LAMC3: variants seen among roughly 807,000 people sequenced by gnomAD.
LAMC3 encodes the protein laminin subunit gamma 3, also known as laminin subunit gamma-3.
In LAMC3, 128 loss-of-function variants were observed where a neutral mutation model predicts 173.8. The ratio of observed to expected loss-of-function variants is 0.74; its 90% confidence interval spans 0.64 to 0.85. The LOEUF is 0.85. Among genes scored for constraint, LAMC3 ranks in the 40% least tolerant of loss-of-function variants. The pLI is 0.00. For synonymous variants in LAMC3, 897 were observed against 909.1 expected (o/e 0.99, Z 0.24); for missense variants, 2,022 against 2,156.0 (o/e 0.94, Z 1.23).
Position 131,091,639 on chromosome 9 carries a change from G to C in LAMC3, c.4580G>C (p.Arg1527Thr). 2.5e-6 allele frequency: 4 copies of C among 1,603,362 alleles called. No individual in the cohort carries two copies. Among genetic ancestry groups the C allele is most frequent in the Non-Finnish European group, 3.4e-6 (4 of 1,175,426 alleles). ...LQLGSPGSLQRKLSLLEQESQ... is the reference protein window; with the variant it reads ...LQLGSPGSLQTKLSLLEQESQ... ...CTGGGCTCCCCGGGGTCCTTGCAGA[G>C]GAAACTCAGTCTGCTGGAGCAGGAA... The change falls in exon 28 of 28, where the codon AGG (arginine) becomes ACG (threonine). Residue 1527 changes from arginine (R) to threonine (T), a missense_variant. Coordinates refer to ENST00000361069, the MANE Select transcript of LAMC3 (RefSeq NM_006059.4).
At chr9:131,054,538 G>A (rs891365322) in intron 11 of LAMC3, among the ~76,000 whole-genome samples, 1 of 152,146 alleles carries the variant, frequency 6.6e-6, no homozygotes, top group African/African-American at 2.4e-5. Context: ...CGGATCACTT[G>A]AGCTCAGGAG....
chr9:131,066,959 G>A lies in LAMC3; in HGVS notation c.2348-1G>A. 1 of 1,613,752 alleles carries A rather than the reference G, an allele frequency of 6.2e-7. No homozygotes were observed. The highest frequency in any genetic ancestry group is 8.5e-7 in the Non-Finnish European group (1 of 1,180,032). ...CCCACACGTGCTCCCTCTACACACA[G>A]GGCGGCGCTGTGAGGTCTGTGATGA... On this transcript the variant is annotated splice_acceptor_variant, in intron 13 of 27. Transcript: ENST00000361069. LOFTEE classifies it high-confidence loss of function.
Position 131,068,244 on chromosome 9 carries a change from A to G in LAMC3, c.2747+13A>G, listed in dbSNP as rs763733837. ...GGGGCTGCCGGAGGTAGGTAGGGTG[A>G]GACTGCCGGTGCCCTGGGGACCTCT... On this transcript the variant is annotated intron_variant, in intron 15 of 27. Transcript: ENST00000361069. 1.2e-6 allele frequency: 2 copies of G among 1,605,704 alleles called. No individual in the cohort carries two copies. The highest frequency in any genetic ancestry group is 4.5e-5 in the East Asian group (2 of 44,674).
At chr9:131,058,196 G>C (rs1829732515) in intron 12 of LAMC3, among the ~76,000 whole-genome samples, 1 of 152,158 alleles carries the variant, frequency 6.6e-6, no homozygotes, top group African/African-American at 2.4e-5. Flanking sequence ...TTGGCTCACT[G>C]CAGCCTCCTG....
Position 131,057,166 on chromosome 9 carries a change from C to T in LAMC3, c.2158+19C>T. On this transcript the variant is annotated intron_variant, in intron 12 of 27. Transcript: ENST00000361069. ...AACACAGGTGAGTCTCCTGGCACCC[C>T]ATCCGAAGGCACCTGGGTTATACCC... 6.2e-7 allele frequency: 1 copy of T among 1,602,716 alleles called. No homozygotes were observed. Among genetic ancestry groups the T allele is most frequent in the Non-Finnish European group, 8.5e-7 (1 of 1,170,098 alleles).
chr9:131,033,113 C>T (rs1833875618), intron 3 of LAMC3, among the ~76,000 whole-genome samples: 1 of 152,216 alleles, frequency 6.6e-6, no homozygotes, highest in Non-Finnish European at 1.5e-5. Context: ...ACATCTGTCC[C>T]CTCCAGGAAG....
In LAMC3 at chr9:131,045,864, C is replaced by G. The variant is rs2277154; in HGVS notation, c.1519+204C>G. 0.2 allele frequency among the ~76,000 whole-genome samples: 29,916 copies of G among 152,214 alleles called. 3,650 individuals carry two copies. Among genetic ancestry groups the G allele is most frequent in the Admixed American group, 0.27 (4,129 of 15,292 alleles). ...CCAGCTCCCTCCCCAGTCCCTGACT[C>G]TTCTCTTTATACCCGTGGTGGGGTT... On this transcript the variant is annotated intron_variant, in intron 8 of 27. Transcript: ENST00000361069.
rs760128365 is a variant in LAMC3 at position 131,009,528 on chromosome 9, G to T, written c.314G>T (p.Ser105Ile). The T allele has an allele frequency of 1.3e-6, 2 of 1,560,972 alleles. No individual in the cohort carries two copies. The highest frequency in any genetic ancestry group is 2.4e-5 in the South Asian group (2 of 84,638). The change falls in exon 1 of 28, where the codon AGC becomes ATC. Residue 105 changes from serine to isoleucine, a missense_variant. Transcript: ENST00000361069. The surrounding 1 kb of genome is among the most constrained non-coding windows in gnomAD (Gnocchi z 4.3). ...HSQDESTWWQSPSMAFGVQYP... is the reference protein window; with the variant it reads ...HSQDESTWWQIPSMAFGVQYP... ...CAGGACGAGAGCACCTGGTGGCAGA[G>T]CCCGTCCATGGCCTTCGGCGTGCAG...
At chr9:131,027,739 G>T (rs1378854727) in intron 2 of LAMC3, among the ~76,000 whole-genome samples, 1 of 152,226 alleles carries the variant, frequency 6.6e-6, no homozygotes, top group African/African-American at 2.4e-5. Context: ...GACCAGTGCG[G>T]TGCTTGGCAC....
chr9:131,057,101 T>C lies in LAMC3; in HGVS notation c.2112T>C (p.Cys704=), dbSNP rs1274924365. The C allele has an allele frequency of 1.2e-6, 2 of 1,614,152 alleles. No individual in the cohort carries two copies. The highest frequency in any genetic ancestry group is 1.7e-6 in the Non-Finnish European group (2 of 1,180,018). Residue 704 remains cysteine (C), a synonymous_variant, in exon 12 of 28, where the codon TGT becomes TGC. Transcript: ENST00000361069. ...EMPQGGPYAS[C]VPCTCNQHGT... ...CACAGGGGGGTCCCTATGCCAGCTG[T>C]GTCCCCTGCACCTGTAACCAGCATG...
Position 131,009,472 on chromosome 9 carries a change from C to T in LAMC3, c.258C>T (p.His86=), listed in dbSNP as rs751624945. Reference sequence around the variant, plus strand: ...ACGCCGCCGACCCCCAGCGCCACCACAACGCCTCCTACCTCACCGACTTCC... The same window carrying T: ...ACGCCGCCGACCCCCAGCGCCACCATAACGCCTCCTACCTCACCGACTTCC... ...RCDAADPQRH[H]NASYLTDFHS... Residue 86 remains histidine, a synonymous_variant, in exon 1 of 28, where the codon CAC becomes CAT. Coordinates refer to ENST00000361069, the MANE Select transcript of LAMC3 (RefSeq NM_006059.4). The surrounding 1 kb of genome is among the most constrained non-coding windows in gnomAD (Gnocchi z 4.3). 3 of 1,548,976 alleles carry T rather than the reference C, an allele frequency of 1.9e-6. No homozygotes were observed. The highest frequency in any genetic ancestry group is 1.7e-6 in the Non-Finnish European group (2 of 1,146,704).
intron 3 of LAMC3, among the ~76,000 whole-genome samples, chr9:131,033,829 A>T (rs1833894505): frequency 6.6e-6 from 1 of 152,054 alleles, no homozygotes. Flanking sequence ...CGGGGATGAC[A>T]CTGGACTCTG....
intron 6 of LAMC3, among the ~76,000 whole-genome samples, chr9:131,040,625 T>TGG (rs540497656): frequency 1.2e-3 from 180 of 152,276 alleles, no homozygotes; most frequent in Non-Finnish European, 2.2e-3. Context: ...GACCATGAGA[T>TGG]GGGGCCTGGC....
At chr9:131,027,800 C>T (rs553407051) in intron 2 of LAMC3, among the ~76,000 whole-genome samples, 6 of 152,326 alleles carry the variant, frequency 3.9e-5, no homozygotes, top group Middle Eastern at 3.4e-3. Flanking sequence ...GACAGCTCCC[C>T]GTCCTTGTCC....
intron 9 of LAMC3, among the ~76,000 whole-genome samples, chr9:131,052,080 C>T (rs190959054): frequency 9.9e-4 from 151 of 152,290 alleles, no homozygotes; most frequent in Admixed American, 3.0e-3. Context: ...CTGGAGGTCC[C>T]GCTAAACTCC....
At chr9:131,018,227 T>A (rs949607750) in intron 1 of LAMC3, among the ~76,000 whole-genome samples, 2 of 150,310 alleles carry the variant, frequency 1.3e-5, no homozygotes, top group African/African-American at 4.9e-5. Context: ...CTCTGCCTCC[T>A]ACGTTCGAGC....
Position 131,067,219 on chromosome 9 carries a change from TCCAGACC to T in LAMC3, c.2593+19_2593+25del, listed in dbSNP as rs1348919012. 15 of 1,612,278 alleles carry T rather than the reference TCCAGACC, an allele frequency of 9.3e-6. No individual in the cohort carries two copies. The highest frequency in any genetic ancestry group is 3.3e-4 in the Middle Eastern group (2 of 6,052). On this transcript the variant is annotated intron_variant, in intron 14 of 27. Coordinates refer to ENST00000361069, the MANE Select transcript of LAMC3 (RefSeq NM_006059.4). ...ACAAATGCATGCGTGAGTACCTACCTCCAGACCCCAGGGTGGCACATGGTGGGCCCCT... is the reference window on the plus strand; with the variant it reads ...ACAAATGCATGCGTGAGTACCTACCTCCAGGGTGGCACATGGTGGGCCCCT...
At chr9:131,059,677 TG>T (rs1459401702) in intron 12 of LAMC3, among the ~76,000 whole-genome samples, 4 of 152,134 alleles carry the variant, frequency 2.6e-5, no homozygotes, top group Non-Finnish European at 5.9e-5. Flanking sequence ...GCAGCCCCTG[TG>T]GAGGAAGCAG....
intron 3 of LAMC3, among the ~76,000 whole-genome samples, chr9:131,035,168 T>TC (rs1833918692): frequency 1.3e-5 from 2 of 152,156 alleles, no homozygotes; most frequent in Non-Finnish European, 2.9e-5. Flanking sequence ...CAGGCTGGTC[T>TC]CCAACTCCTG....
Sources: allele counts gnomAD v4.1 joint callset (sites outside exome capture counted in the v4.1 genomes callset), GRCh38; gene constraint gnomAD v4.1.1; non-coding constraint Gnocchi (gnomAD v3.1); transcripts MANE v1.5; gene names NCBI Gene and HGNC (gene_info 2026-07-23, HGNC 2026-07-21).